The following DPP10 variants were observed in gnomAD, a reference collection of about 807,000 sequenced individuals.
DPP10 encodes the protein dipeptidyl peptidase like 10, also known as inactive dipeptidyl peptidase 10.
A neutral mutation model predicts 120.9 loss-of-function variants in DPP10; 33 were observed. The ratio of observed to expected loss-of-function variants is 0.27; its 90% confidence interval spans 0.21 to 0.37. The LOEUF (loss-of-function observed/expected upper bound fraction) is 0.37, where lower values mean the gene tolerates loss of function less well. Among genes scored for constraint, DPP10 ranks in the 10% least tolerant of loss-of-function variants. DPP10 has a pLI of 1.00. For missense variants in DPP10, 816 were observed against 942.8 expected (o/e 0.87, Z 1.76); for synonymous variants, 337 against 326.1 (o/e 1.03, Z -0.36).
At position 115,083,349 on chromosome 2, in the gene DPP10, T is replaced by C. The variant is rs139788470; in HGVS notation, c.61-225890T>C. Among the ~76,000 whole-genome samples the C allele has an allele frequency of 1.3e-3, 204 of 152,336 alleles. 1 individual carries two copies. The highest frequency in any genetic ancestry group is 2.1e-3 in the Non-Finnish European group (141 of 68,028). Reference sequence around the variant, plus strand: ...ATATAATCTGACAGTTAGGTAATAGTCAGATATATGTCCCGAGGCCCTATG... The same window carrying C: ...ATATAATCTGACAGTTAGGTAATAGCCAGATATATGTCCCGAGGCCCTATG... On this transcript the variant is annotated intron_variant, in intron 1 of 25. Transcript: ENST00000410059.
rs915930689 is a variant in DPP10 at position 115,752,034 on chromosome 2, G to A, written c.951-1140G>A. ...AGGATGGTCTCCATCTGCTGACGTC[G>A]TGATCCACACGCCTTGGCCTCCCAA... On this transcript the variant is annotated intron_variant, in intron 10 of 25. Transcript: ENST00000410059. Among the ~76,000 whole-genome samples the A allele has an allele frequency of 3.8e-4, 58 of 152,236 alleles. 1 individual carries two copies. Among genetic ancestry groups the A allele is most frequent in the African/African-American group, 1.2e-3 (51 of 41,550 alleles).
At chr2:114,687,582 C>A (rs1699454970) in intron 1 of DPP10, among the ~76,000 whole-genome samples, 1 of 151,916 alleles carries the variant, frequency 6.6e-6, no homozygotes, top group South Asian at 2.1e-4. Context: ...TTCACTAGGA[C>A]TTATTTTAAA....
intron 1 of DPP10, among the ~76,000 whole-genome samples, chr2:114,557,690 A>T (rs567650330): frequency 2.0e-5 from 3 of 152,338 alleles, no homozygotes; most frequent in Admixed American, 1.3e-4. Context: ...TGTAGAAAGA[A>T]ATAAGTTATC....
rs375742384 is a variant in DPP10, at chr2:115,308,650, C to A, written c.61-589C>A. On this transcript the variant is annotated intron_variant, in intron 1 of 25. Coordinates refer to ENST00000410059, the MANE Select transcript of DPP10 (RefSeq NM_020868.6). ...TGCCCAGCAAGACAGTGTCATTAAC[C>A]ACTGGTATAGAAGGACTCATTTAAT... 5.3e-4 allele frequency among the ~76,000 whole-genome samples: 80 copies of A among 151,002 alleles called. No homozygotes were observed. In the South Asian group the frequency reaches 5.6e-3, roughly 11 times the overall value.
At chr2:115,682,415 T>C (rs1414217551) in intron 5 of DPP10, among the ~76,000 whole-genome samples, 2 of 151,866 alleles carry the variant, frequency 1.3e-5, no homozygotes, top group Non-Finnish European at 2.9e-5. Flanking sequence ...ATGTTAAATA[T>C]CAATTACTGA....
chr2:115,390,552 T>C (rs1451381284), intron 3 of DPP10, among the ~76,000 whole-genome samples: 1 of 152,156 alleles, frequency 6.6e-6, no homozygotes, highest in Non-Finnish European at 1.5e-5. Flanking sequence ...TGGCCATTTC[T>C]TAAATGATTT....
At chr2:115,442,607 G>A (rs755851894) in intron 3 of DPP10, among the ~76,000 whole-genome samples, 3 of 152,026 alleles carry the variant, frequency 2.0e-5, no homozygotes, top group African/African-American at 7.3e-5. Flanking sequence ...AAAGACAGTC[G>A]AACAAGATGC....
chr2:115,592,509 T>G (rs765511586), intron 5 of DPP10, among the ~76,000 whole-genome samples: 2 of 151,706 alleles, frequency 1.3e-5, no homozygotes, highest in Non-Finnish European at 2.9e-5. Flanking sequence ...GCCTAGCACT[T>G]TGATCATGAG....
chr2:115,488,827 A>G (rs1366018162), intron 3 of DPP10, among the ~76,000 whole-genome samples: 4 of 138,506 alleles, frequency 2.9e-5, no homozygotes, highest in Non-Finnish European at 1.6e-5. Flanking sequence ...ACATGTATAC[A>G]TATGTAACTA....
At chr2:114,528,541 A>G (rs973216824) in intron 1 of DPP10, among the ~76,000 whole-genome samples, 2 of 151,902 alleles carry the variant, frequency 1.3e-5, no homozygotes, top group Non-Finnish European at 2.9e-5. Flanking sequence ...TGGGACTCCT[A>G]TAACTGATGC....
chr2:115,536,226 A>T (rs1226737069), intron 5 of DPP10, among the ~76,000 whole-genome samples: 3 of 152,014 alleles, frequency 2.0e-5, no homozygotes, highest in Admixed American at 6.6e-5. Flanking sequence ...TGTTATTAGT[A>T]TGTAATATTT....
chr2:114,815,685 G>A (rs1574255229), intron 1 of DPP10, among the ~76,000 whole-genome samples: 2 of 152,102 alleles, frequency 1.3e-5, no homozygotes, highest in Admixed American at 1.3e-4. Context: ...GGAATACACT[G>A]TCTTTCTACT....
At chr2:114,629,871 A>G (rs1437480170) in intron 1 of DPP10, among the ~76,000 whole-genome samples, 1 of 152,194 alleles carries the variant, frequency 6.6e-6, no homozygotes, top group Non-Finnish European at 1.5e-5. Flanking sequence ...CTCAGTGGAC[A>G]CCAATGAATA....
intron 1 of DPP10, among the ~76,000 whole-genome samples, chr2:114,936,445 G>A (rs1042757293): frequency 8.0e-5 from 12 of 149,624 alleles, no homozygotes; most frequent in African/African-American, 2.0e-4. Flanking sequence ...ACATATATAC[G>A]CACATATATA....
intron 24 of DPP10, among the ~76,000 whole-genome samples, chr2:115,838,849 T>G: frequency 6.6e-6 from 1 of 152,130 alleles, no homozygotes; most frequent in East Asian, 1.9e-4. Flanking sequence ...CATACGGGCC[T>G]GGTGAATTAT....
intron 1 of DPP10, among the ~76,000 whole-genome samples, chr2:115,011,803 G>C (rs889451657): frequency 6.6e-6 from 1 of 152,058 alleles, no homozygotes; most frequent in Admixed American, 6.6e-5. Context: ...GAAAGAATTG[G>C]ATCATTGCTG....
At chr2:114,953,249 T>C (rs980316) in intron 1 of DPP10, among the ~76,000 whole-genome samples, 46,419 of 152,052 alleles carry the variant, frequency 0.31, 7,825 homozygotes, top group South Asian at 0.44. Flanking sequence ...ATAGAACCAT[T>C]AGGCTCAGTT....
intron 12 of DPP10, among the ~76,000 whole-genome samples, chr2:115,765,866 C>G (rs550789526): frequency 1.1e-4 from 17 of 151,970 alleles, no homozygotes; most frequent in Non-Finnish European, 1.9e-4. Flanking sequence ...TATATTATCT[C>G]AGAGTTTTAA....
chr2:115,517,709 C>T (rs1012731926), intron 4 of DPP10, among the ~76,000 whole-genome samples: 3 of 151,878 alleles, frequency 2.0e-5, no homozygotes, highest in Non-Finnish European at 2.9e-5. Context: ...ATTGACAATA[C>T]GTGAAGAGAC....
Sources: gnomAD v4.1 joint callset for allele counts (sites outside exome capture counted in the v4.1 genomes callset) on GRCh38, gnomAD v4.1.1 for gene constraint, MANE v1.5 for transcripts, NCBI Gene and HGNC (gene_info 2026-07-23, HGNC 2026-07-21) for gene names.